Variants in DRC8 observed in about 807,000 individuals in gnomAD.
DRC8 encodes the protein dynein regulatory complex subunit 8, also known as dynein regulatory complex protein 8.
chr1:244,970,528 C>T, the DRC8 span: 32 of 1,479,540 alleles, frequency 2.2e-5, no homozygotes, highest in African/African-American at 4.0e-4. Context: ...TGGGGTGGGC[C>T]CTCGTCCATC....
At chr1:245,048,654 T>A in the DRC8 span, among the ~76,000 whole-genome samples, 1 of 152,124 alleles carries the variant, frequency 6.6e-6, no homozygotes. Flanking sequence ...GCCTCCTCTT[T>A]CTCCTTCTCC....
At chr1:245,060,016 C>A in the DRC8 span, among the ~76,000 whole-genome samples, 1 of 152,128 alleles carries the variant, frequency 6.6e-6, no homozygotes, top group African/African-American at 2.4e-5. Context: ...GATCTCATTT[C>A]AAATGCAGCA....
At chr1:245,074,753 T>TCG in the DRC8 span, among the ~76,000 whole-genome samples, 5 of 117,034 alleles carry the variant, frequency 4.3e-5, no homozygotes. Context: ...AAAATTTTTG[T>TCG]TTTTAAAGAC....
the DRC8 span, among the ~76,000 whole-genome samples, chr1:245,004,876 G>T: frequency 6.6e-6 from 1 of 152,064 alleles, no homozygotes; most frequent in East Asian, 1.9e-4. Flanking sequence ...TTTTTTAATT[G>T]ACACATAATA....
At chr1:245,024,579 G>A in the DRC8 span, among the ~76,000 whole-genome samples, 18,085 of 138,684 alleles carry the variant, frequency 0.13, 1,480 homozygotes, top group African/African-American at 0.24. Flanking sequence ...ACAGAGTCTC[G>A]CTCTGTTGCC....
the DRC8 span, among the ~76,000 whole-genome samples, chr1:245,066,330 T>C: frequency 6.6e-6 from 1 of 152,218 alleles, no homozygotes; most frequent in African/African-American, 2.4e-5. Flanking sequence ...GTATTAATAA[T>C]GTAAATCTAG....
chr1:245,006,095 CT>C, the DRC8 span, among the ~76,000 whole-genome samples: 8 of 152,294 alleles, frequency 5.3e-5, no homozygotes, highest in Non-Finnish European at 1.0e-4. Flanking sequence ...CTTTGTGCGC[CT>C]GGTTAAGGAG....
chr1:245,081,988 C>A, the DRC8 span: 1 of 984,900 alleles, frequency 1.0e-6, no homozygotes, highest in Non-Finnish European at 1.6e-6. Context: ...GCTCACCATC[C>A]AGAGTCTCTA....
chr1:245,030,407 A>G, the DRC8 span, among the ~76,000 whole-genome samples: 235 of 152,338 alleles, frequency 1.5e-3, 2 homozygotes, highest in South Asian at 0.012. Flanking sequence ...GATTTAAAGT[A>G]TATGGAAGGA....
the DRC8 span, chr1:245,059,347 T>C: frequency 6.6e-7 from 1 of 1,523,080 alleles, no homozygotes; most frequent in Non-Finnish European, 9.0e-7. Context: ...CTTTTCGGAG[T>C]TTATATTCTA....
chr1:245,097,998 C>T, the DRC8 span, among the ~76,000 whole-genome samples: 1 of 152,114 alleles, frequency 6.6e-6, no homozygotes, highest in Non-Finnish European at 1.5e-5. The surrounding 1 kb of genome is among the most constrained non-coding windows in gnomAD (Gnocchi z 5.0). Context: ...GAAGAGATGC[C>T]ATTGAATGGT....
the DRC8 span, among the ~76,000 whole-genome samples, chr1:245,052,010 G>C: frequency 6.6e-6 from 1 of 152,148 alleles, no homozygotes; most frequent in Non-Finnish European, 1.5e-5. Context: ...CACATCTGTT[G>C]AGTGCAGTGG....
the DRC8 span, among the ~76,000 whole-genome samples, chr1:245,021,704 G>A: frequency 6.6e-6 from 1 of 152,066 alleles, no homozygotes; most frequent in African/African-American, 2.4e-5. Context: ...CCAAAGTGCT[G>A]GGATTACAGA....
At chr1:245,105,351 T>TA in the DRC8 span, among the ~76,000 whole-genome samples, 713 of 152,190 alleles carry the variant, frequency 4.7e-3, 5 homozygotes, top group African/African-American at 0.017. Flanking sequence ...GATTTTTTTT[T>TA]AAAAAGATTC....
At chr1:245,082,021 C>A in the DRC8 span, 3 of 1,381,500 alleles carry the variant, frequency 2.2e-6, no homozygotes, top group Non-Finnish European at 3.1e-6. Flanking sequence ...GTGCTTGGAA[C>A]AACTAGTTGC....
At chr1:245,002,171 A>T in the DRC8 span, 1 of 1,610,486 alleles carries the variant, frequency 6.2e-7, no homozygotes, top group African/African-American at 1.3e-5. Flanking sequence ...TACTGATCGA[A>T]CATCTAATGG....
At chr1:245,072,641 C>T in the DRC8 span, among the ~76,000 whole-genome samples, 5 of 152,136 alleles carry the variant, frequency 3.3e-5, no homozygotes, top group Non-Finnish European at 7.3e-5. Context: ...ACACCAAAAG[C>T]GATATAGTTT....
At chr1:245,044,550 GATTTATTTATTTATTT>G in the DRC8 span, among the ~76,000 whole-genome samples, 8 of 150,014 alleles carry the variant, frequency 5.3e-5, no homozygotes, top group Admixed American at 1.3e-4. Context: ...GCCCAGGCTG[GATTTATTTATTTATTT>G]ATTTATTTAT....
the DRC8 span, among the ~76,000 whole-genome samples, chr1:245,062,790 A>T: frequency 6.6e-6 from 1 of 152,094 alleles, no homozygotes; most frequent in East Asian, 1.9e-4. Flanking sequence ...TTTTGCTCCT[A>T]AGCGTGCTAT....
Sources: allele counts gnomAD v4.1 joint callset (sites outside exome capture counted in the v4.1 genomes callset), GRCh38; gene constraint gnomAD v4.1.1; non-coding constraint Gnocchi (gnomAD v3.1); transcripts MANE v1.5; gene names NCBI Gene and HGNC (gene_info 2026-07-23, HGNC 2026-07-21).